MYCBP2: variants seen among roughly 807,000 people sequenced by gnomAD.
The protein encoded by MYCBP2 is E3 ubiquitin-protein ligase MYCBP2.
Under a neutral mutation model 525.3 loss-of-function variants are expected in MYCBP2, and 120 were observed. The ratio of observed to expected loss-of-function variants is 0.23; its 90% CI spans 0.20 to 0.27. The LOEUF is 0.27. Ranked by LOEUF, MYCBP2 falls within the 10% of genes least tolerant of loss-of-function variation. The pLI is 1.00. For synonymous variants in MYCBP2, 1,894 were observed against 1,955.8 expected, an observed-to-expected ratio of 0.97 and a Z score of 0.83; for missense variants, 4,149 against 5,657.1, an observed-to-expected ratio of 0.73 and a Z score of 8.55.
intron 35 of MYCBP2, 66 bp from the exon 36 acceptor site, chr13:77,176,694 G>T (rs2059741327): frequency 2.5e-6 from 3 of 1,177,892 alleles, no homozygotes; most frequent in South Asian, 2.6e-5. Context: ...GAACAATTTT[G>T]ATTTATAATT....
chr13:77,298,751 T>C (rs548240431), intron 1 of MYCBP2, among the ~76,000 whole-genome samples: 1 of 152,316 alleles, frequency 6.6e-6, no homozygotes, highest in African/African-American at 2.4e-5. Context: ...ATGGAAACTA[T>C]GTATGTGGAT....
In MYCBP2 at chr13:77,185,339, C is replaced by T; in HGVS notation, c.4483G>A (p.Ala1495Thr). 6.2e-7 allele frequency: 1 copy of T among 1,613,546 alleles called. No homozygotes were observed. Among genetic ancestry groups the T allele is most frequent in the African/African-American group, 1.3e-5 (1 of 75,028 alleles). The part of the protein sequence containing the change: ...KAVVEETSKL[A>T]ECIGKTRTLL... ...GTTCTGGTTTTTCCAATACACTCTG[C>T]TAATTTGCTAGTTTCTTCTACAACT... The change falls in exon 32 of 83, where the codon GCA (alanine) becomes ACA (threonine). Residue 1495 changes from alanine to threonine, a missense_variant. Around this residue, in one of 21 missense-constraint regions of MYCBP2, gnomAD observed 292 missense variants for 330.5 expected, o/e 0.88. Transcript: ENST00000544440.
chr13:77,091,741 A>G (rs1208407548), intron 59 of MYCBP2, among the ~76,000 whole-genome samples: 2 of 151,800 alleles, frequency 1.3e-5, no homozygotes, highest in African/African-American at 4.8e-5. Flanking sequence ...TTTTTTAAAT[A>G]GAAGGGGTCT....
chr13:77,061,848 C>A (rs1240026106), intron 74 of MYCBP2, 58 bp from the exon 75 acceptor site: 33 of 1,441,578 alleles, frequency 2.3e-5, no homozygotes, highest in Non-Finnish European at 1.1e-5. Context: ...GACTCTCATA[C>A]AAATTGAATA....
At chr13:77,194,533 C>A (rs1308120577) in intron 26 of MYCBP2, among the ~76,000 whole-genome samples, 2 of 151,974 alleles carry the variant, frequency 1.3e-5, no homozygotes, top group Non-Finnish European at 2.9e-5. Context: ...CTAATATGTG[C>A]ATCTGAAAAA....
At chr13:77,206,857 A>G in intron 23 of MYCBP2, 32 bp from the exon 24 acceptor site, 1 of 1,518,588 alleles carries the variant, frequency 6.6e-7, no homozygotes, top group Non-Finnish European at 8.8e-7. Flanking sequence ...ACAGCACCTC[A>G]ATGTGGTTTT....
chr13:77,309,109 G>C (rs948855755), intron 1 of MYCBP2, among the ~76,000 whole-genome samples: 1 of 152,168 alleles, frequency 6.6e-6, no homozygotes, highest in Admixed American at 6.5e-5. Flanking sequence ...CCTTCCTTAA[G>C]CTACTGCCTT....
intron 26 of MYCBP2, among the ~76,000 whole-genome samples, chr13:77,203,588 G>A (rs1179796794): frequency 1.3e-5 from 2 of 152,160 alleles, no homozygotes; most frequent in Non-Finnish European, 2.9e-5. Flanking sequence ...GCAAGACCAA[G>A]TCAATCCTAA....
At chr13:77,222,646 C>A (rs780045707) in intron 20 of MYCBP2, among the ~76,000 whole-genome samples, 1 of 152,160 alleles carries the variant, frequency 6.6e-6, no homozygotes, top group South Asian at 2.1e-4. Context: ...ACCCCTGTCC[C>A]ACCCACAAGC....
chr13:77,135,306 C>A (rs191946690), intron 52 of MYCBP2, among the ~76,000 whole-genome samples: 3 of 151,976 alleles, frequency 2.0e-5, no homozygotes, highest in African/African-American at 7.3e-5. Context: ...TTACTTTAAA[C>A]GAACTGAAGT....
chr13:77,321,206 T>C (rs2081567177), intron 1 of MYCBP2, among the ~76,000 whole-genome samples: 1 of 152,226 alleles, frequency 6.6e-6, no homozygotes, highest in Non-Finnish European at 1.5e-5. Context: ...AGGACAAAAG[T>C]ATTTTTAGAT....
chr13:77,127,471 T>C (rs1267950621), intron 52 of MYCBP2, among the ~76,000 whole-genome samples: 2 of 151,884 alleles, frequency 1.3e-5, no homozygotes, highest in African/African-American at 4.8e-5. Context: ...CTCATTGTCA[T>C]CATTACTCCT....
In MYCBP2 at chr13:77,230,793, G is replaced by A. The variant is rs565035110; in HGVS notation, c.2737+2363C>T. ...ATAGCTGAAGAGGGCTGAGAGGATT[G>A]CTTTCACTTTAGGACACTGAATAAG... On this transcript the variant is annotated intron_variant, in intron 18 of 82. Coordinates refer to ENST00000544440, the MANE Select transcript of MYCBP2 (RefSeq NM_015057.5). Among the ~76,000 whole-genome samples, 189 of 152,324 alleles carry A rather than the reference G, an allele frequency of 1.2e-3. 2 individuals are homozygous for A. The highest frequency in any genetic ancestry group is 1.2e-3 in the Non-Finnish European group (80 of 68,030).
chr13:77,101,956 C>T (rs1253560522), intron 55 of MYCBP2, among the ~76,000 whole-genome samples: 2 of 151,988 alleles, frequency 1.3e-5, no homozygotes, highest in South Asian at 2.1e-4. Flanking sequence ...TCACATTCAT[C>T]TCCTAATTTA....
rs749446378 is a variant in MYCBP2 at position 77,169,700 on chromosome 13, C to T, written c.5809G>A (p.Glu1937Lys). The T allele has an allele frequency of 6.2e-7, 1 of 1,613,880 alleles. No individual in the cohort carries two copies. The highest frequency in any genetic ancestry group is 8.5e-7 in the Non-Finnish European group (1 of 1,179,940). The change falls in exon 39 of 83, where the codon GAA (glutamate) becomes AAA (lysine). Residue 1937 changes from glutamate to lysine, a missense_variant. Coordinates refer to ENST00000544440, the MANE Select transcript of MYCBP2 (RefSeq NM_015057.5). ...AACAGACTGGAAGAACTCAGCAGTT[C>T]TGGAATGTCATCAGCTAAAAAAAGG... The part of the protein sequence containing the change: ...ALAVDADDIP[E>K]LLSSSSLFSM...
rs2066142008 is a variant in MYCBP2, at chr13:77,225,567, T to G, written c.2738-13A>C. 3 of 1,613,060 alleles carry G rather than the reference T, an allele frequency of 1.9e-6. No individual in the cohort carries two copies. Among genetic ancestry groups the G allele is most frequent in the Non-Finnish European group, 2.5e-6 (3 of 1,179,282 alleles). On this transcript the variant is annotated splice_polypyrimidine_tract_variant and intron_variant, in intron 18 of 82. Transcript: ENST00000544440. ...TCTCCACTTCCATCTGCAAGTGTTA[T>G]AATTTGTGAATTATGATTAAGCCAT... is the stretch of plus-strand genomic sequence containing the variant.
intron 48 of MYCBP2, among the ~76,000 whole-genome samples, chr13:77,144,826 A>T (rs112132093): frequency 9.1e-4 from 139 of 152,158 alleles, no homozygotes; most frequent in African/African-American, 3.0e-3. Flanking sequence ...TACAACCTCA[A>T]AGTTGCAATG....
chr13:77,059,637 G>C lies in MYCBP2; in HGVS notation c.13037-11C>G, dbSNP rs1426332648. 1.4e-5 allele frequency: 22 copies of C among 1,602,936 alleles called. No homozygotes were observed. The highest frequency in any genetic ancestry group is 3.3e-5 in the Admixed American group (2 of 59,804). The stretch of plus-strand genomic sequence containing the variant: ...TCGTGGTGGGTTTGCCTAGGTTCAA[G>C]CAGAAAAATAAAAATCCTTCTTATG... On this transcript the variant is annotated splice_polypyrimidine_tract_variant and intron_variant, in intron 76 of 82. Coordinates refer to ENST00000544440, the MANE Select transcript of MYCBP2 (RefSeq NM_015057.5).
intron 55 of MYCBP2, chr13:77,099,815 T>A (rs143410657): frequency 3.9e-5 from 6 of 152,218 alleles, no homozygotes; most frequent in African/African-American, 1.4e-4. Context: ...AAGAATCACC[T>A]CCCTTTTCTA....
Sources: allele counts gnomAD v4.1 joint callset (sites outside exome capture counted in the v4.1 genomes callset), GRCh38; gene constraint gnomAD v4.1.1; regional missense constraint gnomAD v4.1.1; transcripts MANE v1.5; gene names NCBI Gene and HGNC (gene_info 2026-07-23, HGNC 2026-07-21).